ARMC3: variants seen among roughly 807,000 people sequenced by gnomAD.
ARMC3 encodes armadillo repeat containing 3, also known as armadillo repeat-containing protein 3.
Under a neutral mutation model 90.3 loss-of-function variants are expected in ARMC3, and 74 were observed. That is an observed-to-expected ratio of 0.82 (90% CI 0.68 to 0.99). The LOEUF (loss-of-function observed/expected upper bound fraction) is 0.99. ARMC3 is among the 50% of genes least tolerant of loss of function. The probability of loss-of-function intolerance (pLI) is 0.00; values close to 1 mark genes in which losing one functional copy is unlikely to be tolerated. For synonymous variants in ARMC3, 334 were observed against 361.8 expected, an observed-to-expected ratio of 0.92 and a Z score of 0.87; for missense variants, 958 against 1,042.8, an observed-to-expected ratio of 0.92 and a Z score of 1.12.
At chr10:22,929,664 C>T (rs1206199308) in intron 1 of ARMC3, among the ~76,000 whole-genome samples, 2 of 152,222 alleles carry the variant, frequency 1.3e-5, no homozygotes, top group East Asian at 1.9e-4. Context: ...TCTCCTGCCT[C>T]AGCCTCCCCA....
chr10:23,030,932 C>T (rs1163125448), intron 17 of ARMC3, 136 bp downstream of exon 17: 4 of 972,248 alleles, frequency 4.1e-6, no homozygotes, highest in Non-Finnish European at 5.8e-6. Context: ...CACAGAAACA[C>T]AATGAATTGG....
chr10:23,030,011 A>C (rs1838859238), intron 16 of ARMC3, among the ~76,000 whole-genome samples: 1 of 152,198 alleles, frequency 6.6e-6, no homozygotes, highest in African/African-American at 2.4e-5. Context: ...CAATTCAATA[A>C]ATATGTATTA....
At chr10:22,952,257 G>T (rs970388536) in intron 3 of ARMC3, among the ~76,000 whole-genome samples, 1 of 152,080 alleles carries the variant, frequency 6.6e-6, no homozygotes, top group Admixed American at 6.6e-5. Flanking sequence ...ATGAAAAGCT[G>T]CTTTTTGAGA....
At chr10:22,959,226 A>G (rs1261384152) in intron 5 of ARMC3, 88 bp downstream of exon 5, 8 of 1,396,948 alleles carry the variant, frequency 5.7e-6, no homozygotes, top group Admixed American at 5.3e-5. Flanking sequence ...TTCATGAAAT[A>G]TTGTAAAGTG....
rs751643501 is a variant in ARMC3 at position 22,932,016 on chromosome 10, A to C, written c.20A>C (p.Lys7Thr). Residue 7 changes from lysine to threonine, a missense_variant, in exon 2 of 19, where the codon AAG becomes ACG. Transcript: ENST00000298032. ...TCCAGGATGGGTAAAAAGATAAAGA[A>C]GGAAGTAGAGCCTCCTCCTAAGGAT... is the stretch of plus-strand genomic sequence containing the variant. MGKKIKKEVEPPPKDVF... is the reference protein window; with the variant it reads MGKKIKTEVEPPPKDVF... 3 of 1,605,862 alleles carry C rather than the reference A, an allele frequency of 1.9e-6. No homozygotes were observed. Among genetic ancestry groups the C allele is most frequent in the Non-Finnish European group, 2.5e-6 (3 of 1,177,576 alleles).
chr10:23,034,097 CTTTCCTATTCCCTTTCCTATTCCCTTGGA>C (rs1327446579), intron 18 of ARMC3, among the ~76,000 whole-genome samples: 47 of 152,204 alleles, frequency 3.1e-4, no homozygotes, highest in Admixed American at 5.9e-4. Flanking sequence ...ATTCTATTAT[CTTTCCTATTCCCTTTCCTATTCCCTTGGA>C]TTTCCTATTC....
At position 22,998,335 on chromosome 10, in the gene ARMC3, G is replaced by C. The variant is rs746655428; in HGVS notation, c.1363G>C (p.Val455Leu). Residue 455 changes from valine (V) to leucine (L), a missense_variant, in exon 11 of 19, where the codon GTG becomes CTG. Transcript: ENST00000298032. ...CCCACTGCGTTCTGCAAACACAGTC[G>C]TGCAGAGCAAAGCTGCTCTCGCTGT... ...ISPLRSANTV[V>L]QSKAALAVTA... 1 of 1,613,800 alleles carries C rather than the reference G, an allele frequency of 6.2e-7. No individual in the cohort carries two copies. The highest frequency in any genetic ancestry group is 2.2e-5 in the East Asian group (1 of 44,844).
intron 16 of ARMC3, among the ~76,000 whole-genome samples, chr10:23,017,077 A>ATTT (rs34292439): frequency 2.0e-5 from 3 of 149,418 alleles, no homozygotes; most frequent in African/African-American, 7.4e-5. Context: ...CCAATTTATT[A>ATTT]TTTTTTTTTT....
intron 3 of ARMC3, among the ~76,000 whole-genome samples, chr10:22,949,502 G>T (rs765623925): frequency 7.5e-4 from 114 of 152,234 alleles, no homozygotes; most frequent in Non-Finnish European, 6.8e-4. Context: ...AATGCAGTTT[G>T]GACATTGCAG....
At chr10:22,930,216 G>C (rs1198514334) in intron 1 of ARMC3, among the ~76,000 whole-genome samples, 3 of 151,536 alleles carry the variant, frequency 2.0e-5, no homozygotes, top group Non-Finnish European at 2.9e-5. Flanking sequence ...AAATATTATA[G>C]GCACAAGGTC....
At chr10:22,954,507 T>G (rs1003052817) in intron 3 of ARMC3, among the ~76,000 whole-genome samples, 2 of 145,534 alleles carry the variant, frequency 1.4e-5, no homozygotes, top group Non-Finnish European at 1.5e-5. Flanking sequence ...ACAAAAAAAT[T>G]CGAAAAAAAA....
At chr10:23,020,552 T>C (rs1272325519) in intron 16 of ARMC3, among the ~76,000 whole-genome samples, 1 of 152,224 alleles carries the variant, frequency 6.6e-6, no homozygotes, top group East Asian at 1.9e-4. Context: ...AGCATTTTGC[T>C]TTCTCACTGG....
chr10:22,962,233 T>C (rs754847229), intron 7 of ARMC3, among the ~76,000 whole-genome samples, 155 bp downstream of exon 7: 45 of 152,312 alleles, frequency 3.0e-4, no homozygotes, highest in Non-Finnish European at 5.6e-4. Flanking sequence ...ATCAGGCTAA[T>C]TGTAGACACT....
At chr10:22,938,915 A>G (rs2131153311) in intron 2 of ARMC3, among the ~76,000 whole-genome samples, 1 of 152,330 alleles carries the variant, frequency 6.6e-6, no homozygotes, top group Non-Finnish European at 1.5e-5. Context: ...AACTCTCTAT[A>G]GTTTCAAGTA....
intron 16 of ARMC3, chr10:23,014,579 A>G (rs1838180008): frequency 3.6e-6 from 3 of 823,560 alleles, no homozygotes; most frequent in African/African-American, 1.9e-5. Context: ...GACTGGATAA[A>G]GAAAATGTGG....
At chr10:22,998,739 G>A (rs1161538621) in intron 11 of ARMC3, among the ~76,000 whole-genome samples, 2 of 152,162 alleles carry the variant, frequency 1.3e-5, no homozygotes, top group Non-Finnish European at 2.9e-5. Context: ...TCGTGCTGTA[G>A]CCATAAAATA....
intron 2 of ARMC3, among the ~76,000 whole-genome samples, chr10:22,945,425 GTTCGT>G (rs561051628): frequency 6.8e-4 from 104 of 152,286 alleles, no homozygotes; most frequent in Non-Finnish European, 2.1e-4. Flanking sequence ...ATGAACAATA[GTTCGT>G]TTCAATTATG....
At chr10:23,033,756 A>C (rs1373863095) in intron 18 of ARMC3, among the ~76,000 whole-genome samples, 1 of 152,158 alleles carries the variant, frequency 6.6e-6, no homozygotes. Flanking sequence ...AGACAGGAAA[A>C]CCAGTTAGAA....
In ARMC3 at chr10:23,009,064, A is replaced by G. The variant is rs555643576; in HGVS notation, c.2045+133A>G. ...GACTCATGAGATGAAATTTAAAAGA[A>G]ACTTGATTTTTGTCTCTTACCATCT... On this transcript the variant is annotated intron_variant, in intron 16 of 18. Coordinates refer to ENST00000298032, the MANE Select transcript of ARMC3 (RefSeq NM_173081.5). 292 of 692,524 alleles carry G rather than the reference A, an allele frequency of 4.2e-4. 1 individual carries two copies. The highest frequency in any genetic ancestry group is 7.5e-4 in the Admixed American group (25 of 33,270). The allele number at this position is 692,524 out of a possible 1,614,324, so 42.9% of individuals were successfully genotyped here.
Sources: gnomAD v4.1 joint callset for allele counts (sites outside exome capture counted in the v4.1 genomes callset) on GRCh38, gnomAD v4.1.1 for gene constraint, MANE v1.5 for transcripts, NCBI Gene and HGNC (gene_info 2026-07-23, HGNC 2026-07-21) for gene names.